Variants in CDH13 observed in about 807,000 individuals in gnomAD.
The protein encoded by CDH13 is cadherin-13.
A neutral mutation model predicts 63.8 loss-of-function variants in CDH13; 24 were observed. The observed-to-expected ratio is 0.38, with a 90% CI of 0.27 to 0.53. CDH13 has a LOEUF of 0.53. CDH13 is among the 20% of genes least tolerant of loss of function. The pLI is 0.85. For synonymous variants in CDH13, 503 were observed against 355.3 expected (o/e 1.42, Z -4.67); for missense variants, 1,049 against 903.1 (o/e 1.16, Z -2.07).
At chr16:83,765,330 T>A (rs1290024897) in intron 11 of CDH13, among the ~76,000 whole-genome samples, 1 of 62,232 alleles carries the variant, frequency 1.6e-5, no homozygotes, top group Non-Finnish European at 3.3e-5. Flanking sequence ...CTAAAGTCAG[T>A]GGAATGGAAA....
Position 83,063,979 on chromosome 16 carries a change from T to C in CDH13, c.366+31761T>C, listed in dbSNP as rs139920863. ...TTGAAGCAGGCTAAGTATGAAAAAT[T>C]TGTAAGATGTCCAAGCGGAGATGCC... On this transcript the variant is annotated intron_variant, in intron 3 of 13. Transcript: ENST00000567109. Among the ~76,000 whole-genome samples, 793 of 152,094 alleles carry C rather than the reference T, an allele frequency of 5.2e-3. 6 individuals carry two copies. The highest frequency in any genetic ancestry group is 0.018 in the African/African-American group (760 of 41,500).
At chr16:83,395,420 C>A (rs187747008) in intron 6 of CDH13, among the ~76,000 whole-genome samples, 1 of 152,098 alleles carries the variant, frequency 6.6e-6, no homozygotes, top group African/African-American at 2.4e-5. Flanking sequence ...GTCATCCTGT[C>A]ATTTCCATCA....
intron 1 of CDH13, among the ~76,000 whole-genome samples, chr16:82,679,647 C>G (rs1914327307): frequency 1.3e-5 from 2 of 152,142 alleles, no homozygotes; most frequent in African/African-American, 2.4e-5. Context: ...CCAGTGGAAC[C>G]TGAGAACATT....
chr16:82,792,746 A>C (rs1429527644), intron 1 of CDH13, among the ~76,000 whole-genome samples: 3 of 152,188 alleles, frequency 2.0e-5, no homozygotes, highest in Admixed American at 6.5e-5. Context: ...TCACACTCCA[A>C]AATAGAAATG....
chr16:82,999,031 C>T (rs946159764), intron 2 of CDH13, among the ~76,000 whole-genome samples: 15 of 152,096 alleles, frequency 9.9e-5, no homozygotes, highest in Admixed American at 7.2e-4. Context: ...GACACCAAAA[C>T]GCGTATTCTT....
intron 2 of CDH13, among the ~76,000 whole-genome samples, chr16:83,018,737 T>G (rs920466160): frequency 2.0e-5 from 3 of 152,264 alleles, no homozygotes; most frequent in Non-Finnish European, 4.4e-5. Flanking sequence ...CACACCTAGG[T>G]GATCTCTTAC....
At chr16:83,079,005 G>T (rs2033047790) in intron 3 of CDH13, among the ~76,000 whole-genome samples, 1 of 152,174 alleles carries the variant, frequency 6.6e-6, no homozygotes, top group Non-Finnish European at 1.5e-5. Context: ...ATGTTGGCCA[G>T]GCTGGTCTTG....
chr16:83,036,364 G>A (rs1916856745), intron 3 of CDH13, among the ~76,000 whole-genome samples: 1 of 151,860 alleles, frequency 6.6e-6, no homozygotes, highest in African/African-American at 2.4e-5. Context: ...TGGCCAGGCT[G>A]GTGTTGAATT....
intron 8 of CDH13, among the ~76,000 whole-genome samples, chr16:83,650,451 C>T (rs1286794865): frequency 6.6e-6 from 1 of 152,144 alleles, no homozygotes; most frequent in African/African-American, 2.4e-5. Context: ...AACTCTTGTC[C>T]TAGGGGAGCT....
At chr16:83,707,320 T>G (rs552084514) in intron 10 of CDH13, among the ~76,000 whole-genome samples, 6 of 152,168 alleles carry the variant, frequency 3.9e-5, no homozygotes, top group Non-Finnish European at 8.8e-5. Flanking sequence ...ATTCCTCCAT[T>G]CTATTTTATA....
chr16:83,630,982 C>T (rs543493415), intron 8 of CDH13, among the ~76,000 whole-genome samples: 3 of 152,218 alleles, frequency 2.0e-5, no homozygotes, highest in Non-Finnish European at 4.4e-5. Flanking sequence ...AGCACAGTGC[C>T]TGACATGTGG....
intron 7 of CDH13, among the ~76,000 whole-genome samples, chr16:83,560,558 C>T (rs1466654169): frequency 6.6e-6 from 1 of 152,158 alleles, no homozygotes; most frequent in African/African-American, 2.4e-5. Context: ...TACAAAGTTT[C>T]ATTTATACAA....
At chr16:82,651,670 C>T (rs1395940337) in intron 1 of CDH13, among the ~76,000 whole-genome samples, 1 of 152,190 alleles carries the variant, frequency 6.6e-6, no homozygotes, top group Non-Finnish European at 1.5e-5. Context: ...GGTAGGTACG[C>T]CATTGGAACA....
chr16:83,789,937 T>G (rs756259354), intron 13 of CDH13: 3 of 150,738 alleles, frequency 2.0e-5, no homozygotes, highest in Non-Finnish European at 2.9e-5. Flanking sequence ...CCGAAAATAT[T>G]AACTCTCTGG....
intron 1 of CDH13, among the ~76,000 whole-genome samples, chr16:82,652,049 C>A (rs1039213043): frequency 1.1e-4 from 17 of 152,226 alleles, no homozygotes; most frequent in Admixed American, 9.8e-4. Context: ...CTTGCTCGGC[C>A]AACCTATTGT....
rs752093899 is a variant in CDH13, at chr16:83,217,432, A to C, written c.571A>C (p.Asn191His). Residue 191 changes from asparagine to histidine, a missense_variant, in exon 5 of 14, where the codon AAT (asparagine) becomes CAT (histidine). By Grantham distance (68) the Asn-to-His change is moderately conservative (BLOSUM62 1). Transcript: ENST00000567109. ...DQEPKGIFRI[N>H]ENTGSVSVTR... ...AGAGCCTAAAGGAATTTTCAGAATC[A>C]ATGAGAACACAGGGAGCGTCTCCGT... 6.8e-6 allele frequency: 11 copies of C among 1,613,850 alleles called. No individual in the cohort carries two copies. The highest frequency in any genetic ancestry group is 9.3e-6 in the Non-Finnish European group (11 of 1,179,864).
intron 2 of CDH13, among the ~76,000 whole-genome samples, chr16:83,000,412 C>G (rs1000150263): frequency 5.3e-5 from 8 of 150,320 alleles, no homozygotes; most frequent in African/African-American, 1.5e-4. Flanking sequence ...CCACGCCCAG[C>G]TAATTTTTTG....
chr16:83,011,862 C>A (rs535124277), intron 2 of CDH13, among the ~76,000 whole-genome samples: 1 of 152,320 alleles, frequency 6.6e-6, no homozygotes, highest in South Asian at 2.1e-4. Context: ...ACCTTTCTTT[C>A]TTAGAGGGGA....
intron 4 of CDH13, among the ~76,000 whole-genome samples, chr16:83,132,747 A>G (rs1169791338): frequency 6.6e-6 from 1 of 152,146 alleles, no homozygotes; most frequent in African/African-American, 2.4e-5. Flanking sequence ...TAAGGCAACT[A>G]GCAGTTTTAT....
Sources: allele counts gnomAD v4.1 joint callset (sites outside exome capture counted in the v4.1 genomes callset), GRCh38; gene constraint gnomAD v4.1.1; transcripts MANE v1.5; gene names NCBI Gene and HGNC (gene_info 2026-07-23, HGNC 2026-07-21).